MYL12A: variants seen among roughly 807,000 people sequenced by gnomAD.
MYL12A encodes the protein myosin light chain 12A.
In MYL12A, 11 loss-of-function variants were observed where a neutral mutation model predicts 13.3. The observed-to-expected ratio is 0.83, with a 90% CI of 0.52 to 1.37. MYL12A has a LOEUF of 1.37. Ranked by LOEUF, MYL12A falls within the 40% of genes most tolerant of loss-of-function variation. The pLI is 0.00. For missense variants in MYL12A, 146 were observed against 212.3 expected (o/e 0.69, Z 1.94); for synonymous variants, 51 against 69.9 (o/e 0.73, Z 1.35).
At chr18:3,253,210 A>G (rs1555634554) in intron 1 of MYL12A, 23 bp from the exon 2 acceptor site, 1 of 1,572,494 alleles carries the variant, frequency 6.4e-7, no homozygotes, top group African/African-American at 1.4e-5. Flanking sequence ...TTTGGTTTTT[A>G]TTGTATTTCC....
chr18:3,248,218 AACTTGCCCGATTCAAG>A (rs1376722229), intron 1 of MYL12A: 2 of 146,334 alleles, frequency 1.4e-5, no homozygotes, highest in African/African-American at 5.0e-5. Flanking sequence ...TTCTAACGTC[AACTTGCCCGATTCAAG>A]AGGGTTTGCG....
intron 1 of MYL12A, 149 bp from the exon 2 acceptor site, chr18:3,253,084 G>A: frequency 1.3e-6 from 1 of 769,560 alleles, no homozygotes; most frequent in Non-Finnish European, 2.1e-6. Context: ...TAATCTTGTT[G>A]AGATGTGTCT....
At chr18:3,252,915 G>C (rs2081500333) in intron 1 of MYL12A, among the ~76,000 whole-genome samples, 1 of 152,184 alleles carries the variant, frequency 6.6e-6, no homozygotes, top group Admixed American at 6.5e-5. Flanking sequence ...ACCTACTGAA[G>C]ATGAATTAGT....
rs145419507 is a variant in MYL12A, at chr18:3,251,972, A to G, written c.-15-1261A>G. Among the ~76,000 whole-genome samples, 18 of 152,350 alleles carry G rather than the reference A, an allele frequency of 1.2e-4. No individual in the cohort carries two copies. The East Asian group carries it at 2.7e-3, about 23-fold the overall frequency. ...GAGGCAGAGCTTTTCTAATCATTCCATAATTGTATTTAGTCTGGACGATAT... is the reference window on the plus strand; with the variant it reads ...GAGGCAGAGCTTTTCTAATCATTCCGTAATTGTATTTAGTCTGGACGATAT... On this transcript the variant is annotated intron_variant, in intron 1 of 3. Coordinates refer to ENST00000217652, the MANE Select transcript of MYL12A (RefSeq NM_006471.4).
chr18:3,255,536 G>A (rs2081527807), intron 3 of MYL12A: 2 of 486,656 alleles, frequency 4.1e-6, no homozygotes, highest in Non-Finnish European at 7.0e-6. Flanking sequence ...TAGAGCAAAT[G>A]ATAGAGCGGA....
chr18:3,253,745 CT>C (rs776195242), intron 2 of MYL12A, 143 bp from the exon 3 acceptor site: 41 of 949,618 alleles, frequency 4.3e-5, no homozygotes, highest in Middle Eastern at 2.8e-4. Flanking sequence ...ATTAAGAAAA[CT>C]TTCCCCCCAA....
chr18:3,254,957 T>C (rs1435576654), intron 3 of MYL12A, among the ~76,000 whole-genome samples: 1 of 152,196 alleles, frequency 6.6e-6, no homozygotes, highest in East Asian at 1.9e-4. Context: ...GCCAGTTATT[T>C]GGGAAATCTT....
chr18:3,253,139 G>T, intron 1 of MYL12A, 94 bp from the exon 2 acceptor site: 2 of 1,344,858 alleles, frequency 1.5e-6, no homozygotes, highest in South Asian at 1.4e-5. Flanking sequence ...CAGGAAAGTT[G>T]GTTCTGTGTA....
In MYL12A at chr18:3,253,944, C is replaced by T. The variant is rs61751192; in HGVS notation, c.237C>T (p.Pro79=). 3,699 of 1,613,868 alleles carry T rather than the reference C, an allele frequency of 2.3e-3. 87 individuals carry two copies. In the African/African-American group the frequency reaches 0.044, roughly 19 times the overall value. The part of the protein sequence containing the change: ...LDAMMNEAPG[P]INFTMFLTMF... ...CCATGATGAATGAGGCTCCAGGCCC[C>T]ATCAATTTCACCATGTTCCTCACCA... The change falls in exon 3 of 4, where the codon CCC becomes CCT. Residue 79 remains proline (P), a synonymous_variant. Transcript: ENST00000217652.
In MYL12A at chr18:3,255,957, CT is replaced by C; in HGVS notation, c.*42del. 6.2e-7 allele frequency: 1 copy of C among 1,602,736 alleles called. No individual in the cohort carries two copies. Among genetic ancestry groups the C allele is most frequent in the East Asian group, 2.3e-5 (1 of 44,340 alleles). On this transcript the variant is annotated 3_prime_UTR_variant, in exon 4 of 4. Coordinates refer to ENST00000217652, the MANE Select transcript of MYL12A (RefSeq NM_006471.4). ...TCCAGCCAAACGTTCCTTGTTGCCA[CT>C]TTGGGTATTCTGAGATTTTCTCTTG...
At chr18:3,248,735 A>C (rs1254917024) in intron 1 of MYL12A, 1 of 152,252 alleles carries the variant, frequency 6.6e-6, no homozygotes, top group African/African-American at 2.4e-5. Context: ...CTGGCAAGTC[A>C]GCCCTCACAG....
intron 1 of MYL12A, among the ~76,000 whole-genome samples, chr18:3,252,680 T>C (rs1354028378): frequency 1.3e-5 from 2 of 152,244 alleles, no homozygotes; most frequent in Non-Finnish European, 2.9e-5. Context: ...AGTTTTTTTA[T>C]ACTTTACTAT....
intron 1 of MYL12A, among the ~76,000 whole-genome samples, chr18:3,251,563 G>A (rs1350376008): frequency 1.3e-5 from 2 of 152,114 alleles, no homozygotes; most frequent in Non-Finnish European, 2.9e-5. Context: ...AAGTCCTTGC[G>A]TACATTTAAG....
intron 1 of MYL12A, chr18:3,249,279 CT>C (rs2081460832): frequency 6.6e-6 from 1 of 152,258 alleles, no homozygotes; most frequent in African/African-American, 2.4e-5. Flanking sequence ...GGGAAAGCCA[CT>C]TTGAGAATCT....
chr18:3,252,391 A>ATTG, intron 1 of MYL12A: 1 of 1,500,094 alleles, frequency 6.7e-7, no homozygotes, highest in Non-Finnish European at 8.9e-7. Context: ...TGTAGTTTTT[A>ATTG]ACAGATTGAG....
chr18:3,253,521 T>G, intron 2 of MYL12A, 93 bp downstream of exon 2: 1 of 1,419,674 alleles, frequency 7.0e-7, no homozygotes, highest in Middle Eastern at 1.8e-4. Flanking sequence ...GTAAAGCCTG[T>G]CTAATGAGTC....
At chr18:3,252,323 A>G in intron 1 of MYL12A, 4 of 1,533,556 alleles carry the variant, frequency 2.6e-6, no homozygotes, top group African/African-American at 1.4e-5. Context: ...ACTCTGAAGG[A>G]TGGTATGGTA....
In MYL12A at chr18:3,253,324, A is replaced by C. The variant is rs1180551091; in HGVS notation, c.77A>C (p.Asp26Ala). ...ACATCCAATGTGTTTGCTATGTTTG[A>C]CCAGTCACAGATTCAGGAGTTCAAA... is the stretch of plus-strand genomic sequence containing the variant. Reference protein sequence around the residue: ...RATSNVFAMFDQSQIQEFKEA... With the variant: ...RATSNVFAMFAQSQIQEFKEA... The change falls in exon 2 of 4, where the codon GAC becomes GCC. Residue 26 changes from aspartate to alanine, a missense_variant. Transcript: ENST00000217652. 6.2e-7 allele frequency: 1 copy of C among 1,614,080 alleles called. No homozygotes were observed.
chr18:3,250,542 T>C (rs1393251912), intron 1 of MYL12A, among the ~76,000 whole-genome samples: 1 of 152,212 alleles, frequency 6.6e-6, no homozygotes, highest in African/African-American at 2.4e-5. Flanking sequence ...AAACTCCCTA[T>C]CGCTGAAAGG....
Sources: gnomAD v4.1 joint callset for allele counts (sites outside exome capture counted in the v4.1 genomes callset) on GRCh38, gnomAD v4.1.1 for gene constraint, MANE v1.5 for transcripts, NCBI Gene and HGNC (gene_info 2026-07-23, HGNC 2026-07-21) for gene names.